COQ8A: variants seen among roughly 807,000 people sequenced by gnomAD.
COQ8A encodes the protein coenzyme Q8A.
In COQ8A, 51 loss-of-function variants were observed where a neutral mutation model predicts 65.0. The ratio of observed to expected loss-of-function variants is 0.78; its 90% CI spans 0.63 to 0.99. The LOEUF is 0.99. Among genes scored for constraint, COQ8A ranks in the 50% least tolerant of loss-of-function variants. The probability of loss-of-function intolerance (pLI) is 0.00; values close to 1 mark genes in which losing one functional copy is unlikely to be tolerated. For synonymous variants in COQ8A, 371 were observed against 353.2 expected (o/e 1.05, Z -0.57); for missense variants, 940 against 875.0 (o/e 1.07, Z -0.94).
At chr1:226,958,474 G>A (rs1657945228) in intron 1 of COQ8A, among the ~76,000 whole-genome samples, 1 of 152,186 alleles carries the variant, frequency 6.6e-6, no homozygotes, top group Non-Finnish European at 1.5e-5. Context: ...AGCATCAGTT[G>A]GCCCCTAGCT....
At chr1:226,952,692 G>A (rs985745334) in intron 1 of COQ8A, among the ~76,000 whole-genome samples, 50 of 152,214 alleles carry the variant, frequency 3.3e-4, no homozygotes, top group Admixed American at 3.1e-3. Context: ...GATTACAGGC[G>A]TGTGCCGCTT....
chr1:226,970,616 C>CT (rs1658845471), intron 4 of COQ8A, among the ~76,000 whole-genome samples: 1 of 152,248 alleles, frequency 6.6e-6, no homozygotes, highest in Middle Eastern at 3.4e-3. Context: ...CTTTACGGTT[C>CT]TTTTGGTGAT....
At chr1:226,981,449 G>T (rs1200002480) in intron 5 of COQ8A, among the ~76,000 whole-genome samples, 2 of 152,258 alleles carry the variant, frequency 1.3e-5, no homozygotes, top group South Asian at 2.1e-4. Context: ...GCTGCAGGGG[G>T]CCTCTGTGGG....
At chr1:226,983,165 GTCT>G in intron 8 of COQ8A, 131 bp downstream of exon 8, 1 of 1,340,782 alleles carries the variant, frequency 7.5e-7, no homozygotes, top group Non-Finnish European at 1.0e-6. Flanking sequence ...CATATGTGGT[GTCT>G]TCTGGCCCCA....
At chr1:226,947,321 G>A (rs1290591685) in intron 1 of COQ8A, among the ~76,000 whole-genome samples, 1 of 152,160 alleles carries the variant, frequency 6.6e-6, no homozygotes, top group African/African-American at 2.4e-5. Context: ...TTAGGAGATT[G>A]CTCAGCCTTG....
At chr1:226,962,745 C>A (rs529532944) in intron 2 of COQ8A, among the ~76,000 whole-genome samples, 1 of 152,228 alleles carries the variant, frequency 6.6e-6, no homozygotes, top group Non-Finnish European at 1.5e-5. Flanking sequence ...TGGCTGTCAC[C>A]AAGCATACCT....
chr1:226,980,843 C>A (rs968307370), intron 5 of COQ8A, among the ~76,000 whole-genome samples: 1 of 152,226 alleles, frequency 6.6e-6, no homozygotes, highest in Non-Finnish European at 1.5e-5. Context: ...CCTCCATTCT[C>A]AGGGCGGCCC....
Position 226,983,880 on chromosome 1 carries a change from C to T in COQ8A, c.1256+26C>T, listed in dbSNP as rs767986261. 97 of 1,580,084 alleles carry T rather than the reference C, an allele frequency of 6.1e-5. No individual in the cohort carries two copies. The African/African-American group carries it at 9.9e-4, about 16-fold the overall frequency. ...GTGTGGCCCCCGGCCGGGCCCCTTG[C>T]GTGTTTGCACCAGGGAGGCAGAAGG... is the stretch of plus-strand genomic sequence containing the variant. On this transcript the variant is annotated intron_variant, in intron 10 of 14. Coordinates refer to ENST00000366777, the MANE Select transcript of COQ8A (RefSeq NM_020247.5).
At chr1:226,965,629 C>T (rs376099510) in intron 3 of COQ8A, 42 bp from the exon 4 acceptor site, 436 of 1,610,388 alleles carry the variant, frequency 2.7e-4, no homozygotes, top group Non-Finnish European at 3.5e-4. Flanking sequence ...TGGTCCTGTC[C>T]CCTTGGCTGA....
intron 6 of COQ8A, chr1:226,982,425 T>A (rs1659754510): frequency 1.5e-6 from 1 of 648,494 alleles, no homozygotes; most frequent in Non-Finnish European, 2.6e-6. Context: ...TCCAAATTTC[T>A]TTTGTAATTA....
At position 226,982,886 on chromosome 1, in the gene COQ8A, C is replaced by T. The variant is rs1349303765; in HGVS notation, c.940-8C>T. The T allele has an allele frequency of 6.2e-7, 1 of 1,612,720 alleles. No individual in the cohort carries two copies. Among genetic ancestry groups the T allele is most frequent in the Non-Finnish European group, 8.5e-7 (1 of 1,179,868 alleles). ...TGCTCAGAGCCCCTCCCTGGCCCTG[C>T]CCTTCAGAAAACTCTCAACAACGAC... On this transcript the variant is annotated splice_region_variant and splice_polypyrimidine_tract_variant and intron_variant, in intron 7 of 14. Coordinates refer to ENST00000366777, the MANE Select transcript of COQ8A (RefSeq NM_020247.5).
rs1657072031 is a variant in COQ8A at position 226,946,817 on chromosome 1, T to C, written c.-10+6418T>C. On this transcript the variant is annotated intron_variant, in intron 1 of 14. Coordinates refer to ENST00000366777, the MANE Select transcript of COQ8A (RefSeq NM_020247.5). The surrounding 1 kb of genome is among the most constrained non-coding windows in gnomAD (Gnocchi z 5.3). ...CATTTGGAGGTGATGCTAATAAAGGTTGGTGCTGGTGTTGAGTGTGGCAAG... is the reference window on the plus strand; with the variant it reads ...CATTTGGAGGTGATGCTAATAAAGGCTGGTGCTGGTGTTGAGTGTGGCAAG... Among the ~76,000 whole-genome samples the C allele has an allele frequency of 6.6e-6, 1 of 152,112 alleles. No homozygotes were observed. The highest frequency in any genetic ancestry group is 2.4e-5 in the African/African-American group (1 of 41,412).
At chr1:226,966,685 C>G (rs187211403) in intron 4 of COQ8A, among the ~76,000 whole-genome samples, 1 of 152,168 alleles carries the variant, frequency 6.6e-6, no homozygotes, top group Non-Finnish European at 1.5e-5. Context: ...TCTCATGGGT[C>G]TGCCTGTCTC....
intron 4 of COQ8A, among the ~76,000 whole-genome samples, chr1:226,966,682 G>A (rs1658586511): frequency 6.6e-6 from 1 of 152,116 alleles, no homozygotes; most frequent in Non-Finnish European, 1.5e-5. Context: ...CACTCTCATG[G>A]GTCTGCCTGT....
chr1:226,983,960 G>C, intron 10 of COQ8A, 106 bp downstream of exon 10: 1 of 1,550,822 alleles, frequency 6.4e-7, no homozygotes, highest in Non-Finnish European at 8.8e-7. Flanking sequence ...CAGAGGGCTG[G>C]GGTTGCAGCC....
intron 2 of COQ8A, 44 bp downstream of exon 2, chr1:226,961,606 TG>T: frequency 6.3e-7 from 1 of 1,577,520 alleles, no homozygotes; most frequent in Non-Finnish European, 8.6e-7. Context: ...AGGAAGAGGG[TG>T]GGACCTGGAG....
rs1350480648 is a variant in COQ8A at position 226,955,060 on chromosome 1, CA to C, written c.-9-6316del. 2.0e-5 allele frequency among the ~76,000 whole-genome samples: 3 copies of C among 152,158 alleles called. No individual in the cohort carries two copies. The East Asian group carries it at 5.8e-4, about 29-fold the overall frequency. ...GGTTGGCCTGGCTGGAACCTAAAGG[CA>C]GTGGAGGGAAGGGCAGAGCCATGGT... On this transcript the variant is annotated intron_variant, in intron 1 of 14. Coordinates refer to ENST00000366777, the MANE Select transcript of COQ8A (RefSeq NM_020247.5).
rs866659960 is a variant in COQ8A at position 226,978,776 on chromosome 1, G to T, written c.730+1253G>T. Among the ~76,000 whole-genome samples, 193 of 71,208 alleles carry T rather than the reference G, an allele frequency of 2.7e-3. 6 individuals carry two copies. Among genetic ancestry groups the T allele is most frequent in the African/African-American group, 8.0e-3 (173 of 21,552 alleles). 46.7% of individuals were successfully genotyped at this position (71,208 alleles called of 152,430 possible). On this transcript the variant is annotated intron_variant, in intron 5 of 14. Transcript: ENST00000366777. ...ACCCACCTCACACCCGCATACCTCCGTACACACCCACCTCTCACCCGCACA... is the reference window on the plus strand; with the variant it reads ...ACCCACCTCACACCCGCATACCTCCTTACACACCCACCTCTCACCCGCACA...
Position 226,983,543 on chromosome 1 carries a change from C to A in COQ8A, c.1081-9C>A. Reference sequence around the variant, plus strand: ...GGCTAACTCCCCTGCCTCACCCATACCCCCACAGTACCCTGGCGTGGCCCA... The same window carrying A: ...GGCTAACTCCCCTGCCTCACCCATAACCCCACAGTACCCTGGCGTGGCCCA... On this transcript the variant is annotated splice_polypyrimidine_tract_variant and intron_variant, in intron 8 of 14. Coordinates refer to ENST00000366777, the MANE Select transcript of COQ8A (RefSeq NM_020247.5). The A allele has an allele frequency of 6.2e-7, 1 of 1,613,460 alleles. No individual in the cohort carries two copies. Among genetic ancestry groups the A allele is most frequent in the South Asian group, 1.1e-5 (1 of 91,082 alleles).
Sources: gnomAD v4.1 joint callset for allele counts (sites outside exome capture counted in the v4.1 genomes callset) on GRCh38, gnomAD v4.1.1 for gene constraint, Gnocchi (gnomAD v3.1) non-coding constraint, MANE v1.5 for transcripts, NCBI Gene and HGNC (gene_info 2026-07-23, HGNC 2026-07-21) for gene names.